The following TLE4 variants were observed in gnomAD, a reference collection of about 807,000 sequenced individuals.
TLE4 encodes TLE family member 4, transcriptional corepressor.
Under a neutral mutation model 92.8 loss-of-function variants are expected in TLE4, and 8 were observed. That is an observed-to-expected ratio of 0.09 (90% CI 0.05 to 0.16). TLE4 has a LOEUF of 0.16. Among genes scored for constraint, TLE4 ranks in the 10% least tolerant of loss-of-function variants. TLE4 has a pLI of 1.00. For missense variants in TLE4, 675 were observed against 997.6 expected (o/e 0.68, Z 4.36); for synonymous variants, 371 against 374.1 (o/e 0.99, Z 0.10).
chr9:79,701,265 A>G (rs1298948958), intron 8 of TLE4, among the ~76,000 whole-genome samples: 1 of 152,202 alleles, frequency 6.6e-6, no homozygotes, highest in Non-Finnish European at 1.5e-5. Flanking sequence ...ATAATTAACT[A>G]CTTTATCATT....
chr9:79,584,900 C>T (rs745423801), intron 4 of TLE4, among the ~76,000 whole-genome samples: 2 of 152,056 alleles, frequency 1.3e-5, no homozygotes, highest in Non-Finnish European at 2.9e-5. Flanking sequence ...TGAATCATTC[C>T]AAACAGAATT....
At chr9:79,707,204 C>A (rs201555065) in intron 11 of TLE4, 3 of 1,612,550 alleles carry the variant, frequency 1.9e-6, no homozygotes, top group Admixed American at 3.3e-5. Flanking sequence ...ATGGTTTTGT[C>A]GCCTGTGGTT....
Position 79,572,757 on chromosome 9 carries a change from C to T in TLE4, c.-34C>T, listed in dbSNP as rs377650273. 97 of 1,593,496 alleles carry T rather than the reference C, an allele frequency of 6.1e-5. 2 individuals are homozygous for T. Among genetic ancestry groups the T allele is most frequent in the East Asian group, 1.2e-4 (5 of 42,612 alleles). On this transcript the variant is annotated 5_prime_UTR_variant, in exon 1 of 20. Transcript: ENST00000376552. The stretch of plus-strand genomic sequence containing the variant: ...GTCATTAAAGCCAATGAGCCGCGCG[C>T]CTCTGCCGAGCGCAGCCAACTAAAT...
At chr9:79,677,673 A>G (rs2063533276) in intron 8 of TLE4, among the ~76,000 whole-genome samples, 1 of 149,036 alleles carries the variant, frequency 6.7e-6, no homozygotes, top group African/African-American at 2.5e-5. Context: ...GATGGATTCA[A>G]TTTTTTTTCT....
intron 4 of TLE4, among the ~76,000 whole-genome samples, chr9:79,578,923 T>C (rs1409150914): frequency 1.4e-5 from 2 of 145,046 alleles, no homozygotes; most frequent in African/African-American, 5.2e-5. Context: ...TTAGGATTGA[T>C]AGAGCTAAGC....
In TLE4 at chr9:79,617,920, A is replaced by T. The variant is rs577790319; in HGVS notation, c.315+5202A>T. On this transcript the variant is annotated intron_variant, in intron 5 of 19. Coordinates refer to ENST00000376552, the MANE Select transcript of TLE4 (RefSeq NM_007005.6). Reference sequence around the variant, plus strand: ...CTATAGCTAATTTGGTGACTCCATGATGTTGTGAATTCGGTTCCTTTTATA... The same window carrying T: ...CTATAGCTAATTTGGTGACTCCATGTTGTTGTGAATTCGGTTCCTTTTATA... Among the ~76,000 whole-genome samples the T allele has an allele frequency of 3.3e-5, 5 of 152,034 alleles. No homozygotes were observed. The South Asian group carries it at 1.0e-3, about 32-fold the overall frequency.
At chr9:79,652,863 ATTG>A in intron 7 of TLE4, 69 bp downstream of exon 7, 1 of 1,479,934 alleles carries the variant, frequency 6.8e-7, no homozygotes, top group Non-Finnish European at 9.4e-7. Context: ...TCTGGATGCT[ATTG>A]TTTATTCTCT....
At chr9:79,635,214 C>A (rs1160343335) in intron 6 of TLE4, among the ~76,000 whole-genome samples, 1 of 152,110 alleles carries the variant, frequency 6.6e-6, no homozygotes, top group African/African-American at 2.4e-5. Flanking sequence ...TATGCATTTT[C>A]ATAACAATTA....
chr9:79,653,025 G>T, intron 7 of TLE4: 1 of 589,200 alleles, frequency 1.7e-6, no homozygotes. Flanking sequence ...TCTGGTTATT[G>T]CCTTTGATTT....
chr9:79,572,511 G>T lies in TLE4; in HGVS notation c.-280G>T, dbSNP rs1203501714. On this transcript the variant is annotated 5_prime_UTR_variant, in exon 1 of 20. Transcript: ENST00000376552. ...CTCGGCGGGTGCGCCTCGGCGGAGC[G>T]AACGTCGGAGCGTTGCCTTGGGAGA... 5 of 156,672 alleles carry T rather than the reference G, an allele frequency of 3.2e-5. No individual in the cohort carries two copies. The highest frequency in any genetic ancestry group is 2.0e-4 in the South Asian group (1 of 4,956). The allele number at this position is 156,672 out of a possible 1,614,324, so 9.7% of individuals were successfully genotyped here.
At chr9:79,700,641 T>C (rs1217220539) in intron 8 of TLE4, among the ~76,000 whole-genome samples, 1 of 152,244 alleles carries the variant, frequency 6.6e-6, no homozygotes, top group Non-Finnish European at 1.5e-5. Context: ...AATCCTTTAG[T>C]ATTTTTTTCT....
At chr9:79,724,717 C>T (rs554823625) in intron 19 of TLE4, among the ~76,000 whole-genome samples, 44 of 151,892 alleles carry the variant, frequency 2.9e-4, no homozygotes, top group African/African-American at 1.0e-3. Flanking sequence ...TTGGACACAT[C>T]AGTGTCGTAG....
At chr9:79,716,578 G>A (rs1266468259) in intron 14 of TLE4, among the ~76,000 whole-genome samples, 1 of 152,180 alleles carries the variant, frequency 6.6e-6, no homozygotes, top group South Asian at 2.1e-4. Context: ...AACATACGAG[G>A]CATTTAGGAA....
intron 14 of TLE4, among the ~76,000 whole-genome samples, chr9:79,713,713 C>G (rs939905428): frequency 6.6e-6 from 1 of 152,170 alleles, no homozygotes; most frequent in Non-Finnish European, 1.5e-5. Flanking sequence ...CTCAGTTACT[C>G]TAGCTCCTCC....
chr9:79,724,449 C>T (rs1365484474), intron 19 of TLE4, among the ~76,000 whole-genome samples: 3 of 152,098 alleles, frequency 2.0e-5, no homozygotes, highest in Non-Finnish European at 2.9e-5. Context: ...CAGAGGTGCT[C>T]ATGCCATTGG....
chr9:79,608,643 C>G (rs1430256500), intron 4 of TLE4, among the ~76,000 whole-genome samples: 3 of 151,964 alleles, frequency 2.0e-5, no homozygotes, highest in Non-Finnish European at 1.5e-5. Flanking sequence ...GGAATGTTTC[C>G]TAAAACTGTA....
intron 4 of TLE4, among the ~76,000 whole-genome samples, chr9:79,611,738 A>G (rs2048406182): frequency 1.3e-5 from 2 of 152,052 alleles, no homozygotes; most frequent in African/African-American, 2.4e-5. Flanking sequence ...ATCACAAAAT[A>G]TACAAGGCAC....
intron 9 of TLE4, 65 bp downstream of exon 9, chr9:79,704,967 C>CTT: frequency 6.3e-7 from 1 of 1,599,228 alleles, no homozygotes; most frequent in South Asian, 1.1e-5. Context: ...CCATTTTACC[C>CTT]TTTGACTATT....
chr9:79,714,621 C>T (rs2136115865), intron 14 of TLE4, among the ~76,000 whole-genome samples: 1 of 152,326 alleles, frequency 6.6e-6, no homozygotes, highest in African/African-American at 2.4e-5. Context: ...AACTTTCTTT[C>T]CTTTTCAAAA....
Sources: gnomAD v4.1 joint callset for allele counts (sites outside exome capture counted in the v4.1 genomes callset) on GRCh38, gnomAD v4.1.1 for gene constraint, MANE v1.5 for transcripts, NCBI Gene and HGNC (gene_info 2026-07-23, HGNC 2026-07-21) for gene names.